Variants in CRPPA observed in about 807,000 individuals in gnomAD.
CRPPA encodes D-ribitol-5-phosphate cytidylyltransferase.
A neutral mutation model predicts 52.0 loss-of-function variants in CRPPA; 43 were observed. The observed-to-expected ratio is 0.83, with a 90% CI of 0.65 to 1.07. The LOEUF is 1.07. CRPPA is among the 50% of genes least tolerant of loss of function. The pLI is 0.00. For synonymous variants in CRPPA, 250 were observed against 203.5 expected, an observed-to-expected ratio of 1.23 and a Z score of -1.94; for missense variants, 629 against 551.7, an observed-to-expected ratio of 1.14 and a Z score of -1.40.
At position 16,216,884 on chromosome 7, in the gene CRPPA, A is replaced by G. The variant is rs900799269; in HGVS notation, c.1120-687T>C. 7.1e-3 allele frequency among the ~76,000 whole-genome samples: 1,074 copies of G among 152,166 alleles called. 15 individuals carry two copies. Among genetic ancestry groups the G allele is most frequent in the African/African-American group, 0.023 (946 of 41,562 alleles). On this transcript the variant is annotated intron_variant, in intron 8 of 9. Coordinates refer to ENST00000407010, the MANE Select transcript of CRPPA (RefSeq NM_001101426.4). ...GGGGGAGGGGCGCCCGCCATTGCCC[A>G]GGCTTGCTTAGGTAAACAAAGCAGC...
chr7:16,357,487 G>C (rs1322143439), intron 3 of CRPPA, among the ~76,000 whole-genome samples: 1 of 152,036 alleles, frequency 6.6e-6, no homozygotes, highest in Non-Finnish European at 1.5e-5. Context: ...GTCAGCTTTA[G>C]GTGATTTTAT....
intron 9 of CRPPA, among the ~76,000 whole-genome samples, chr7:16,176,869 C>A (rs1075267): frequency 0.5 from 75,800 of 151,970 alleles, 19,296 homozygotes; most frequent in East Asian, 0.79. Context: ...ATGAATGCTG[C>A]TACAAGTATT....
rs144813432 is a variant in CRPPA at position 16,364,637 on chromosome 7, AT to A, written c.684+11454del. On this transcript the variant is annotated intron_variant, in intron 3 of 9. Transcript: ENST00000407010. Reference sequence around the variant, plus strand: ...GTTCAATGATGAACTAATGCTCAACATTATCTGCCATGTAATCAATGTGCAG... The same window carrying A: ...GTTCAATGATGAACTAATGCTCAACATATCTGCCATGTAATCAATGTGCAG... Among the ~76,000 whole-genome samples the A allele has an allele frequency of 5.6e-3, 858 of 152,344 alleles. 8 individuals carry two copies. The highest frequency in any genetic ancestry group is 0.019 in the African/African-American group (796 of 41,584).
At chr7:16,275,746 C>T (rs1431569860) in intron 6 of CRPPA, among the ~76,000 whole-genome samples, 1 of 151,840 alleles carries the variant, frequency 6.6e-6, no homozygotes, top group Non-Finnish European at 1.5e-5. Flanking sequence ...ATGGGAGGAT[C>T]GCTTGAGCCC....
At chr7:16,131,101 G>T (rs567240159) in intron 9 of CRPPA, among the ~76,000 whole-genome samples, 7 of 152,294 alleles carry the variant, frequency 4.6e-5, no homozygotes, top group African/African-American at 1.4e-4. Context: ...CAAGTCTATT[G>T]TACTGTTATA....
At chr7:16,312,903 T>A (rs1785064020) in intron 3 of CRPPA, among the ~76,000 whole-genome samples, 1 of 151,964 alleles carries the variant, frequency 6.6e-6, no homozygotes, top group Non-Finnish European at 1.5e-5. Flanking sequence ...TGAACCAGTC[T>A]TGTGTATCTG....
intron 2 of CRPPA, among the ~76,000 whole-genome samples, chr7:16,379,049 T>C (rs1786996281): frequency 6.6e-6 from 1 of 152,154 alleles, no homozygotes. Context: ...TTCTCACATT[T>C]TGTAGGTTGC....
chr7:16,374,039 G>A (rs766034549), intron 3 of CRPPA, among the ~76,000 whole-genome samples: 1 of 152,072 alleles, frequency 6.6e-6, no homozygotes, highest in South Asian at 2.1e-4. Flanking sequence ...GTTAATATTA[G>A]GTATTAACTT....
chr7:16,214,876 A>G (rs1459728089), intron 9 of CRPPA, among the ~76,000 whole-genome samples: 2 of 152,174 alleles, frequency 1.3e-5, no homozygotes, highest in Non-Finnish European at 2.9e-5. Context: ...CCTCGGGCAA[A>G]TATATGTAAC....
chr7:16,204,645 AAGGCACAGAGTC>A (rs1781929054), intron 9 of CRPPA, among the ~76,000 whole-genome samples: 1 of 152,166 alleles, frequency 6.6e-6, no homozygotes, highest in Non-Finnish European at 1.5e-5. Flanking sequence ...CAAAACTGAG[AAGGCACAGAGTC>A]AGCAATCATT....
chr7:16,294,848 G>C (rs958619811), intron 5 of CRPPA, among the ~76,000 whole-genome samples: 6 of 151,946 alleles, frequency 3.9e-5, no homozygotes, highest in Non-Finnish European at 8.8e-5. Flanking sequence ...ATGTTGTCTG[G>C]TCACAGATGT....
At chr7:16,160,555 T>G (rs1305660773) in intron 9 of CRPPA, among the ~76,000 whole-genome samples, 1 of 152,196 alleles carries the variant, frequency 6.6e-6, no homozygotes, top group African/African-American at 2.4e-5. Flanking sequence ...CGTGCTGCTT[T>G]TGTTACTGTA....
At chr7:16,384,620 C>A (rs1032289582) in intron 2 of CRPPA, among the ~76,000 whole-genome samples, 2 of 152,146 alleles carry the variant, frequency 1.3e-5, no homozygotes, top group African/African-American at 4.8e-5. Context: ...TCAAAGAGAG[C>A]CCCACTGAAA....
intron 9 of CRPPA, among the ~76,000 whole-genome samples, chr7:16,172,304 G>C (rs1177934285): frequency 6.6e-6 from 1 of 152,154 alleles, no homozygotes; most frequent in Non-Finnish European, 1.5e-5. Flanking sequence ...GCAGCTATCA[G>C]TCAGCTGCTG....
At chr7:16,262,888 A>G (rs1244350026) in intron 6 of CRPPA, among the ~76,000 whole-genome samples, 2 of 152,184 alleles carry the variant, frequency 1.3e-5, no homozygotes, top group African/African-American at 2.4e-5. Flanking sequence ...TTAAAAATGT[A>G]TGCATTAAGT....
At chr7:16,275,149 GAAA>G (rs997298928) in intron 6 of CRPPA, among the ~76,000 whole-genome samples, 1 of 151,964 alleles carries the variant, frequency 6.6e-6, no homozygotes. Context: ...AGAAACTGTA[GAAA>G]AAAATGGGAG....
At chr7:16,167,519 C>A (rs1306997218) in intron 9 of CRPPA, among the ~76,000 whole-genome samples, 1 of 152,180 alleles carries the variant, frequency 6.6e-6, no homozygotes, top group Admixed American at 6.5e-5. Context: ...GGCCTTGGGT[C>A]CAAATTGCCA....
At chr7:16,272,422 T>C (rs975092011) in intron 6 of CRPPA, among the ~76,000 whole-genome samples, 1 of 152,170 alleles carries the variant, frequency 6.6e-6, no homozygotes, top group African/African-American at 2.4e-5. Context: ...ATTTTTTCTT[T>C]TCATGTTAAC....
intron 2 of CRPPA, among the ~76,000 whole-genome samples, chr7:16,383,359 T>G (rs1445095011): frequency 6.6e-6 from 1 of 152,162 alleles, no homozygotes; most frequent in Non-Finnish European, 1.5e-5. Flanking sequence ...GGAATTTTTG[T>G]CTCAGAGGAG....
Sources: allele counts gnomAD v4.1 joint callset (sites outside exome capture counted in the v4.1 genomes callset), GRCh38; gene constraint gnomAD v4.1.1; transcripts MANE v1.5; gene names NCBI Gene and HGNC (gene_info 2026-07-23, HGNC 2026-07-21).